Variants in ITFG2 observed in about 807,000 individuals in gnomAD.
ITFG2 encodes integrin alpha FG-GAP repeat containing 2.
ITFG2 carries 36 observed loss-of-function variants against 54.4 expected under a neutral mutation model. That is an observed-to-expected ratio of 0.66 (90% CI 0.51 to 0.87). The LOEUF (loss-of-function observed/expected upper bound fraction) is 0.87. Among genes scored for constraint, ITFG2 ranks in the 40% least tolerant of loss-of-function variants. The pLI is 0.00. For synonymous variants in ITFG2, 211 were observed against 225.4 expected, an observed-to-expected ratio of 0.94 and a Z score of 0.57; for missense variants, 524 against 576.7, an observed-to-expected ratio of 0.91 and a Z score of 0.94.
chr12:2,835,343 C>T, upstream of ITFG2: 1 of 447,146 alleles, frequency 2.2e-6, no homozygotes, highest in South Asian at 7.3e-5. Context: ...CCTCTGCATC[C>T]CTCCCAGGCT....
chr12:2,848,969 G>C, intron 2 of ITFG2: 1 of 457,318 alleles, frequency 2.2e-6, no homozygotes, highest in South Asian at 2.6e-5. Flanking sequence ...TGTTCTCCCT[G>C]CTCTACCCAG....
In ITFG2 at chr12:2,812,694, G is replaced by A; in HGVS notation, c.-67G>A. ...CCTTAGGTGGCCTTCCGCTCTGGCG[G>A]CTGTCGCGACGGGGGTTCAGGGAAT... is the stretch of plus-strand genomic sequence containing the variant. On this transcript the variant is annotated 5_prime_UTR_variant, in exon 1 of 12. Coordinates refer to ENST00000228799, the MANE Select transcript of ITFG2 (RefSeq NM_018463.4). The A allele has an allele frequency of 1.4e-6, 2 of 1,400,602 alleles. No individual in the cohort carries two copies. The highest frequency in any genetic ancestry group is 1.2e-5 in the South Asian group (1 of 85,908). 86.8% of individuals were successfully genotyped at this position (1,400,602 alleles called of 1,614,324 possible).
chr12:2,841,042 G>A (rs11062376), intron 2 of ITFG2: 25,622 of 152,550 alleles, frequency 0.17, 2,358 homozygotes, highest in South Asian at 0.34. Context: ...CCCCAAACCC[G>A]CCTGGGGCAA....
chr12:2,835,397 C>G (rs533810312), upstream of ITFG2: 143 of 208,014 alleles, frequency 6.9e-4, no homozygotes, highest in Admixed American at 2.1e-3. Context: ...TATCTGCAGC[C>G]CAGGGCTGGC....
At chr12:2,835,094 G>C, upstream of ITFG2, 1 of 1,437,912 alleles carries the variant, frequency 7.0e-7, no homozygotes, top group Non-Finnish European at 9.1e-7. Context: ...AGGGCCCACA[G>C]CTGGCTGACT....
intron 2 of ITFG2, chr12:2,857,070 C>G: frequency 1.4e-6 from 1 of 702,794 alleles, no homozygotes; most frequent in Non-Finnish European, 2.6e-6. Flanking sequence ...TGTGGGGAAG[C>G]CCTTTCTGGC....
intron 2 of ITFG2, among the ~76,000 whole-genome samples, chr12:2,850,303 G>A (rs546591938): frequency 5.9e-5 from 9 of 151,926 alleles, no homozygotes; most frequent in East Asian, 5.8e-4. Context: ...ATGAAACTCC[G>A]TCTCTACTAA....
At chr12:2,838,460 A>G (rs1427244699) in intron 1 of ITFG2, among the ~76,000 whole-genome samples, 4 of 152,198 alleles carry the variant, frequency 2.6e-5, no homozygotes, top group African/African-American at 9.6e-5. Flanking sequence ...AGGTCTGTAC[A>G]CTGCACTCCA....
chr12:2,836,840 A>G (rs1436090598), exon 1 of ITFG2: 2 of 152,268 alleles, frequency 1.3e-5, no homozygotes, highest in African/African-American at 4.8e-5. Flanking sequence ...AACACCTAAG[A>G]GGACCAGCAA....
rs2097945475 is a variant in ITFG2 at position 2,821,726 on chromosome 12, A to C, written c.882A>C (p.Ala294=). The change falls in exon 9 of 12, where the codon GCA becomes GCC. Residue 294 remains alanine (A), a synonymous_variant. Coordinates refer to ENST00000228799, the MANE Select transcript of ITFG2 (RefSeq NM_018463.4). ...TLKLMEEMEE[A]DKLLWSVQVD... ...AGCTCATGGAAGAAATGGAAGAAGC[A>C]GACAAGCTGCTGTGGTCAGTGCAGG... The C allele has an allele frequency of 6.2e-7, 1 of 1,614,168 alleles. No homozygotes were observed. The highest frequency in any genetic ancestry group is 8.5e-7 in the Non-Finnish European group (1 of 1,180,018).
intron 3 of ITFG2, chr12:2,858,772 C>G (rs1228406144): frequency 1.9e-6 from 3 of 1,614,144 alleles, no homozygotes; most frequent in Non-Finnish European, 2.5e-6. Flanking sequence ...ACCAGGCCTT[C>G]TGTCAGAGAA....
At chr12:2,817,667 G>A in intron 2 of ITFG2, 1 of 520,324 alleles carries the variant, frequency 1.9e-6, no homozygotes, top group East Asian at 3.0e-5. Context: ...TAAATACAGA[G>A]TTTCTATTTT....
upstream of ITFG2, chr12:2,835,163 G>GTA: frequency 1.7e-6 from 2 of 1,158,360 alleles, no homozygotes; most frequent in East Asian, 3.4e-5. Context: ...GGGCGTATGT[G>GTA]TGTGTGTGTG....
At chr12:2,834,261 G>A (rs1413947946), upstream of ITFG2, among the ~76,000 whole-genome samples, 1 of 152,168 alleles carries the variant, frequency 6.6e-6, no homozygotes, top group African/African-American at 2.4e-5. Context: ...CCTGTGGTTC[G>A]GGGGAAGCAG....
At chr12:2,848,915 C>A (rs1379499467) in intron 2 of ITFG2, 3 of 295,314 alleles carry the variant, frequency 1.0e-5, no homozygotes, top group Non-Finnish European at 1.3e-5. Flanking sequence ...ACACACACTC[C>A]TTCCTTCCCA....
At position 2,820,522 on chromosome 12, in the gene ITFG2, G is replaced by A. The variant is rs1374113563; in HGVS notation, c.547-202G>A. On this transcript the variant is annotated intron_variant, in intron 5 of 11. Transcript: ENST00000228799. The stretch of plus-strand genomic sequence containing the variant: ...GCACAGGGGAAAGCATGTGGTCTGT[G>A]TGGAGAGGACGGTGCCAGGCAGGAG... Among the ~76,000 whole-genome samples the A allele has an allele frequency of 3.3e-5, 5 of 152,136 alleles. No homozygotes were observed. In the South Asian group the frequency reaches 8.3e-4, roughly 25 times the overall value.
At position 2,824,172 on chromosome 12, in the gene ITFG2, A is replaced by G. The variant is rs774090060; in HGVS notation, c.1323A>G (p.Ser441=). Reference sequence around the variant, plus strand: ...ACCAGCCACCACAGTGTGCTCCCTCAAGCCTCCAGGATCCCACCTAGCTGT... The same window carrying G: ...ACCAGCCACCACAGTGTGCTCCCTCGAGCCTCCAGGATCCCACCTAGCTGT... ...HPDQPPQCAP[S]SLQDPT is the part of the protein sequence containing the mutation. The change falls in exon 12 of 12, where the codon TCA becomes TCG. Residue 441 remains serine, a synonymous_variant. Coordinates refer to ENST00000228799, the MANE Select transcript of ITFG2 (RefSeq NM_018463.4). 1 of 1,614,038 alleles carries G rather than the reference A, an allele frequency of 6.2e-7. No individual in the cohort carries two copies. The highest frequency in any genetic ancestry group is 8.5e-7 in the Non-Finnish European group (1 of 1,179,986).
At chr12:2,817,390 C>A (rs2286603) in intron 2 of ITFG2, 72 bp downstream of exon 2, 161,774 of 1,044,582 alleles carry the variant, frequency 0.15, 14,934 homozygotes, top group South Asian at 0.34. Flanking sequence ...TAGGGTGAGC[C>A]CCACACAGGT....
At chr12:2,834,536 C>T, upstream of ITFG2, 6 of 1,457,802 alleles carry the variant, frequency 4.1e-6, no homozygotes, top group Non-Finnish European at 4.5e-6. Flanking sequence ...GGGAGCGGGA[C>T]CTGAAAGCTG....
Sources: allele counts gnomAD v4.1 joint callset (sites outside exome capture counted in the v4.1 genomes callset), GRCh38; gene constraint gnomAD v4.1.1; transcripts MANE v1.5; gene names NCBI Gene and HGNC (gene_info 2026-07-23, HGNC 2026-07-21).